GRAP2: variants seen among roughly 807,000 people sequenced by gnomAD.
GRAP2 encodes GRB2 related adaptor protein 2, also known as GRB2-related adapter protein 2.
GRAP2 carries 31 observed loss-of-function variants against 43.5 expected under a neutral mutation model. That is an observed-to-expected ratio of 0.71 (90% confidence interval 0.54 to 0.96). The LOEUF is 0.96. Ranked by LOEUF, GRAP2 falls within the 40% of genes least tolerant of loss-of-function variation. The pLI, the probability that GRAP2 is intolerant of heterozygous loss-of-function variation, is 0.00. For missense variants in GRAP2, 371 were observed against 424.4 expected (o/e 0.87, Z 1.11); for synonymous variants, 156 against 164.8 (o/e 0.95, Z 0.41).
intron 3 of GRAP2, among the ~76,000 whole-genome samples, chr22:39,959,790 C>T (rs918424902): frequency 1.3e-5 from 2 of 152,222 alleles, no homozygotes; most frequent in Non-Finnish European, 2.9e-5. Flanking sequence ...TGCAGCGACA[C>T]ATTTCCATGA....
At chr22:39,951,023 A>G (rs1447173802) in intron 2 of GRAP2, among the ~76,000 whole-genome samples, 1 of 152,228 alleles carries the variant, frequency 6.6e-6, no homozygotes, top group African/African-American at 2.4e-5. Flanking sequence ...CTGAGCAGCC[A>G]CCCACCCTCA....
At chr22:39,908,818 C>A (rs564020472) in intron 1 of GRAP2, among the ~76,000 whole-genome samples, 2 of 152,192 alleles carry the variant, frequency 1.3e-5, no homozygotes. Flanking sequence ...TTCAGGCTGG[C>A]AAGTGGAGTT....
intron 2 of GRAP2, chr22:39,948,071 G>A (rs2066942476): frequency 6.9e-6 from 1 of 143,904 alleles, no homozygotes; most frequent in Non-Finnish European, 1.5e-5. Context: ...GCAACACTGA[G>A]GCCATTAGTG....
At chr22:39,965,866 G>A in intron 4 of GRAP2, 124 bp from the exon 5 acceptor site, 1 of 830,888 alleles carries the variant, frequency 1.2e-6, no homozygotes, top group Non-Finnish European at 2.0e-6. Flanking sequence ...GCCCAGTGAT[G>A]AGTGAGTCAT....
rs1423638920 is a variant in GRAP2, at chr22:39,973,446, A to G, written c.*2362A>G. The G allele has an allele frequency of 3.3e-5, 5 of 152,236 alleles. No homozygotes were observed. The highest frequency in any genetic ancestry group is 3.3e-4 in the Admixed American group (5 of 15,286). 9.4% of individuals were successfully genotyped at this position (152,236 alleles called of 1,614,324 possible). A position where few individuals can be genotyped will look rare whatever the true frequency, so the allele number is the denominator to read the frequency against. Reference sequence around the variant, plus strand: ...GCCTGCAGGAGCTGACCCCGTAGGCAGGCGGTATGAGCAGAGCTTTCAGAA... The same window carrying G: ...GCCTGCAGGAGCTGACCCCGTAGGCGGGCGGTATGAGCAGAGCTTTCAGAA... On this transcript the variant is annotated 3_prime_UTR_variant, in exon 8 of 8. Transcript: ENST00000344138.
chr22:39,906,981 C>G (rs2066527564), intron 1 of GRAP2, among the ~76,000 whole-genome samples: 1 of 152,182 alleles, frequency 6.6e-6, no homozygotes, highest in Non-Finnish European at 1.5e-5. Context: ...ATAGGTCACA[C>G]AGTTTAACCC....
chr22:39,944,950 C>T (rs990315923), intron 1 of GRAP2, among the ~76,000 whole-genome samples: 7 of 152,186 alleles, frequency 4.6e-5, no homozygotes, highest in African/African-American at 7.2e-5. Flanking sequence ...CTTGATCCCA[C>T]GAGGCGACCA....
intron 1 of GRAP2, among the ~76,000 whole-genome samples, chr22:39,936,031 G>GA (rs374729218): frequency 1.3e-5 from 2 of 151,838 alleles, no homozygotes; most frequent in African/African-American, 2.4e-5. Flanking sequence ...AGGGAAGAGG[G>GA]AAAAAAAGAG....
chr22:39,929,559 CCTT>C (rs1259121446), intron 1 of GRAP2, among the ~76,000 whole-genome samples: 6 of 152,314 alleles, frequency 3.9e-5, no homozygotes, highest in Admixed American at 6.5e-5. Context: ...TCTTTGTCCT[CCTT>C]CTTTCCCATT....
chr22:39,917,604 A>G (rs944820548), intron 1 of GRAP2, among the ~76,000 whole-genome samples: 1 of 152,174 alleles, frequency 6.6e-6, no homozygotes, highest in Non-Finnish European at 1.5e-5. Flanking sequence ...TTCTGGATAT[A>G]TGACTAGTTA....
At chr22:39,896,251 T>A (rs1479025831), upstream of GRAP2, among the ~76,000 whole-genome samples, 1 of 152,232 alleles carries the variant, frequency 6.6e-6, no homozygotes, top group African/African-American at 2.4e-5. Flanking sequence ...GCAGAGGTCA[T>A]GGGCATAGTG....
chr22:39,918,040 T>C (rs370799222), intron 1 of GRAP2, among the ~76,000 whole-genome samples: 5 of 152,326 alleles, frequency 3.3e-5, no homozygotes, highest in African/African-American at 1.2e-4. Flanking sequence ...TTAGGCATTA[T>C]CTGATTTTTC....
At chr22:39,907,195 T>C (rs1601686021) in intron 1 of GRAP2, among the ~76,000 whole-genome samples, 1 of 151,356 alleles carries the variant, frequency 6.6e-6, no homozygotes, top group African/African-American at 2.4e-5. Flanking sequence ...CCATAGCACA[T>C]AGGTTCTTAC....
chr22:39,956,301 G>A lies in GRAP2; in HGVS notation c.170+391G>A, dbSNP rs137953040. Among the ~76,000 whole-genome samples, 1,039 of 151,820 alleles carry A rather than the reference G, an allele frequency of 6.8e-3. 9 individuals carry two copies. The highest frequency in any genetic ancestry group is 0.024 in the African/African-American group (981 of 41,388). ...GCCTCCCAAGTAGCTGGGATTACAG[G>A]CACATGCCACCACGCCAGGCTAGTT... is the stretch of plus-strand genomic sequence containing the variant. On this transcript the variant is annotated intron_variant, in intron 3 of 7. Transcript: ENST00000344138.
At chr22:39,918,026 A>G (rs958812469) in intron 1 of GRAP2, among the ~76,000 whole-genome samples, 1 of 152,162 alleles carries the variant, frequency 6.6e-6, no homozygotes, top group African/African-American at 2.4e-5. Flanking sequence ...AATGCATAGC[A>G]TTTTTAGGCA....
rs116767358 is a variant in GRAP2 at position 39,931,209 on chromosome 22, G to A, written c.-14-15884G>A. Among the ~76,000 whole-genome samples the A allele has an allele frequency of 9.1e-3, 1,384 of 152,308 alleles. 18 individuals are homozygous for A. Among genetic ancestry groups the A allele is most frequent in the African/African-American group, 0.032 (1,324 of 41,550 alleles). On this transcript the variant is annotated intron_variant, in intron 1 of 7. Coordinates refer to ENST00000344138, the MANE Select transcript of GRAP2 (RefSeq NM_004810.4). ...GATACTCCTGAGAGAGAGAAGGTGG[G>A]CAAGACAGCCTTGTGAAGTTAAGCA...
rs570855933 is a variant in GRAP2 at position 39,964,293 on chromosome 22, A to T, written c.291-1697A>T. On this transcript the variant is annotated intron_variant, in intron 4 of 7. Coordinates refer to ENST00000344138, the MANE Select transcript of GRAP2 (RefSeq NM_004810.4). ...GTTCGAATGTGTCCCATCACTTGTG[A>T]GTCCAGACTGGCAACAAAAGGTGCT... is the stretch of plus-strand genomic sequence containing the variant. 1.1e-3 allele frequency: 736 copies of T among 658,890 alleles called. 1 individual carries two copies. The highest frequency in any genetic ancestry group is 3.3e-3 in the Admixed American group (136 of 41,114). 40.8% of individuals were successfully genotyped at this position (658,890 alleles called of 1,614,324 possible).
At chr22:39,947,432 G>A (rs1722187603) in intron 2 of GRAP2, 1 of 487,598 alleles carries the variant, frequency 2.1e-6, no homozygotes, top group Non-Finnish European at 3.7e-6. Flanking sequence ...CCACCCAAAG[G>A]GCTGTTACAG....
chr22:39,924,224 T>A (rs1716853310), intron 1 of GRAP2, among the ~76,000 whole-genome samples: 2 of 152,246 alleles, frequency 1.3e-5, no homozygotes, highest in South Asian at 4.1e-4. Context: ...TGTAAAATAC[T>A]GTTTATAAAT....
Sources: gnomAD v4.1 joint callset for allele counts (sites outside exome capture counted in the v4.1 genomes callset) on GRCh38, gnomAD v4.1.1 for gene constraint, MANE v1.5 for transcripts, NCBI Gene and HGNC (gene_info 2026-07-23, HGNC 2026-07-21) for gene names.